GALM: variants seen among roughly 807,000 people sequenced by gnomAD.
The protein encoded by GALM is galactose mutarotase, also known as aldose 1-epimerase.
In GALM, 43 loss-of-function variants were observed where a neutral mutation model predicts 37.4. The observed-to-expected ratio is 1.15, with a 90% CI of 0.90 to 1.48. The LOEUF is 1.48. Among genes scored for constraint, GALM ranks in the 40% most tolerant of loss-of-function variants. GALM has a pLI of 0.00. For synonymous variants in GALM, 199 were observed against 170.6 expected (o/e 1.17, Z -1.30); for missense variants, 456 against 419.1 (o/e 1.09, Z -0.77).
At chr2:38,688,705 A>G (rs918765745) in intron 3 of GALM, among the ~76,000 whole-genome samples, 1 of 152,228 alleles carries the variant, frequency 6.6e-6, no homozygotes, top group Non-Finnish European at 1.5e-5. Flanking sequence ...TGTACTAGAA[A>G]CATGCATGTA....
intron 2 of GALM, among the ~76,000 whole-genome samples, chr2:38,678,440 G>A (rs1163499645): frequency 6.6e-6 from 1 of 152,150 alleles, no homozygotes; most frequent in Non-Finnish European, 1.5e-5. Context: ...TAGGAATTAT[G>A]CTTAACCAAT....
chr2:38,691,038 G>T (rs948029858), intron 4 of GALM, among the ~76,000 whole-genome samples: 1 of 152,160 alleles, frequency 6.6e-6, no homozygotes. Flanking sequence ...CTCAATAGAA[G>T]GGCATGAGTA....
chr2:38,682,991 A>T (rs1360178858), intron 3 of GALM, among the ~76,000 whole-genome samples: 6 of 152,164 alleles, frequency 3.9e-5, no homozygotes, highest in Admixed American at 6.5e-5. Context: ...AAATAAGTTC[A>T]GAAACAAACG....
intron 3 of GALM, among the ~76,000 whole-genome samples, chr2:38,682,789 G>A (rs930597473): frequency 1.3e-5 from 2 of 151,920 alleles, no homozygotes; most frequent in Non-Finnish European, 2.9e-5. Flanking sequence ...CCAGCTATTC[G>A]GGAGGCTGAG....
At chr2:38,671,428 T>C (rs1665096380) in intron 1 of GALM, 1 of 152,194 alleles carries the variant, frequency 6.6e-6, no homozygotes, top group South Asian at 2.1e-4. Flanking sequence ...AGACAGATCT[T>C]ACACGGCAGT....
intron 3 of GALM, among the ~76,000 whole-genome samples, chr2:38,685,096 T>C (rs971033464): frequency 6.6e-5 from 10 of 152,200 alleles, no homozygotes; most frequent in Admixed American, 6.5e-4. Context: ...TAATGTCCTC[T>C]TTTTAAGAAA....
intron 4 of GALM, among the ~76,000 whole-genome samples, chr2:38,714,243 C>G (rs2148450717): frequency 6.6e-6 from 1 of 152,080 alleles, no homozygotes; most frequent in South Asian, 2.1e-4. Flanking sequence ...GAGATGGAGT[C>G]TTGCTCTGTT....
intron 4 of GALM, among the ~76,000 whole-genome samples, chr2:38,695,743 G>C (rs1284339566): frequency 6.6e-6 from 1 of 152,212 alleles, no homozygotes; most frequent in African/African-American, 2.4e-5. Flanking sequence ...GCCCAGGCTG[G>C]AGTGCAGTGG....
In GALM at chr2:38,666,344, G is replaced by A; in HGVS notation, c.183G>A (p.Glu61=). The change falls in exon 1 of 7, where the codon GAG becomes GAA. Residue 61 remains glutamate, a synonymous_variant. Transcript: ENST00000272252. ...RASDVVLGFA[E]LEGYLQKQPY... Reference sequence around the variant, plus strand: ...CGGACGTGGTGCTTGGCTTCGCCGAGTTGGAAGGTGGGTTGAACTGTGCCC... The same window carrying A: ...CGGACGTGGTGCTTGGCTTCGCCGAATTGGAAGGTGGGTTGAACTGTGCCC... 6.2e-7 allele frequency: 1 copy of A among 1,611,144 alleles called. No homozygotes were observed. The highest frequency in any genetic ancestry group is 8.5e-7 in the Non-Finnish European group (1 of 1,178,358).
At chr2:38,732,562 C>G (rs577964366) in intron 6 of GALM, among the ~76,000 whole-genome samples, 63 of 152,330 alleles carry the variant, frequency 4.1e-4, no homozygotes, top group African/African-American at 1.4e-3. Context: ...TGTGCTCCCT[C>G]ATAACTTTCT....
At chr2:38,677,274 A>G (rs1173674336) in intron 2 of GALM, among the ~76,000 whole-genome samples, 1 of 152,216 alleles carries the variant, frequency 6.6e-6, no homozygotes, top group Admixed American at 6.5e-5. Context: ...GAAGAGCCAG[A>G]GAAGAGCCAG....
At chr2:38,710,592 G>C (rs936854039) in intron 4 of GALM, among the ~76,000 whole-genome samples, 2 of 151,982 alleles carry the variant, frequency 1.3e-5, no homozygotes. Context: ...TGTTGTAGAG[G>C]CAGGGTCTCA....
intron 4 of GALM, among the ~76,000 whole-genome samples, chr2:38,728,309 A>G (rs7604054): frequency 0.56 from 83,742 of 150,760 alleles, 22,090 homozygotes; most frequent in East Asian, 0.8. Flanking sequence ...TGGGAGAATC[A>G]CTTGAACCTG....
intron 2 of GALM, chr2:38,680,203 A>G (rs780979489): frequency 6.0e-6 from 2 of 332,020 alleles, no homozygotes; most frequent in Admixed American, 4.2e-5. Flanking sequence ...AAACTTTTTC[A>G]TAGAGATGAC....
At chr2:38,727,711 G>A (rs1326033802) in intron 4 of GALM, among the ~76,000 whole-genome samples, 1 of 149,562 alleles carries the variant, frequency 6.7e-6, no homozygotes, top group Non-Finnish European at 1.5e-5. Context: ...GGCAACAGAG[G>A]GAGACTACGT....
intron 2 of GALM, among the ~76,000 whole-genome samples, chr2:38,677,963 G>A (rs1665299981): frequency 6.6e-6 from 1 of 152,086 alleles, no homozygotes; most frequent in Non-Finnish European, 1.5e-5. Context: ...ACATGGATAT[G>A]GGAGAGAATG....
chr2:38,730,546 T>G (rs1400292147), intron 5 of GALM, among the ~76,000 whole-genome samples: 2 of 152,164 alleles, frequency 1.3e-5, no homozygotes, highest in Admixed American at 6.6e-5. Context: ...ATTACAGGTG[T>G]AAGCCACTGC....
rs1191390656 is a variant in GALM, at chr2:38,695,340, A to G, written c.634+5446A>G. Among the ~76,000 whole-genome samples the G allele has an allele frequency of 2.0e-5, 3 of 152,208 alleles. No homozygotes were observed. In the East Asian group the frequency reaches 5.8e-4, roughly 29 times the overall value. The stretch of plus-strand genomic sequence containing the variant: ...TAAATAAATAAATAAAGTTTCAAAA[A>G]AAGAAAGCAAACTTACAGACACAGT... On this transcript the variant is annotated intron_variant, in intron 4 of 6. Coordinates refer to ENST00000272252, the MANE Select transcript of GALM (RefSeq NM_138801.3).
chr2:38,682,765 G>A (rs763123323), intron 3 of GALM, among the ~76,000 whole-genome samples: 2 of 151,960 alleles, frequency 1.3e-5, no homozygotes, highest in African/African-American at 4.8e-5. Context: ...GCATGGTAGC[G>A]TGGGCCTGTA....
Sources: allele counts gnomAD v4.1 joint callset (sites outside exome capture counted in the v4.1 genomes callset), GRCh38; gene constraint gnomAD v4.1.1; transcripts MANE v1.5; gene names NCBI Gene and HGNC (gene_info 2026-07-23, HGNC 2026-07-21).